The following HKDC1 variants were observed in gnomAD, a reference collection of about 807,000 sequenced individuals.
HKDC1 encodes hexokinase HKDC1.
In HKDC1, 66 loss-of-function variants were observed where a neutral mutation model predicts 96.6. The observed-to-expected ratio is 0.68, with a 90% confidence interval of 0.56 to 0.84. The LOEUF (loss-of-function observed/expected upper bound fraction) is 0.84. HKDC1 is among the 40% of genes least tolerant of loss of function. HKDC1 has a pLI of 0.00. For missense variants in HKDC1, 1,211 were observed against 1,208.1 expected (o/e 1.00, Z -0.04); for synonymous variants, 466 against 473.1 (o/e 0.98, Z 0.20).
At chr10:69,238,368 C>CTTTTTTTTTTTTTTTTT (rs55819248) in intron 4 of HKDC1, among the ~76,000 whole-genome samples, 2 of 61,382 alleles carry the variant, frequency 3.3e-5, no homozygotes, top group African/African-American at 1.7e-4. Context: ...CAGGTATTTT[C>CTTTTTTTTTTTTTTTTT]TTTTTTTTTT....
intron 15 of HKDC1, among the ~76,000 whole-genome samples, chr10:69,260,447 G>A (rs1183900058): frequency 6.6e-6 from 1 of 152,200 alleles, no homozygotes; most frequent in Non-Finnish European, 1.5e-5. Flanking sequence ...GCCACTGAAG[G>A]CTCACATTTT....
intron 1 of HKDC1, among the ~76,000 whole-genome samples, chr10:69,226,515 C>A (rs1017696902): frequency 6.6e-6 from 1 of 151,956 alleles, no homozygotes. Flanking sequence ...ATTAGTCGGG[C>A]CTGGTGGCAC....
At chr10:69,242,807 T>C (rs1039339522) in intron 6 of HKDC1, among the ~76,000 whole-genome samples, 2 of 152,230 alleles carry the variant, frequency 1.3e-5, no homozygotes, top group African/African-American at 4.8e-5. Context: ...GCTAAGTAGC[T>C]TAAGGAAAGA....
intron 12 of HKDC1, among the ~76,000 whole-genome samples, chr10:69,254,305 A>G (rs934093012): frequency 6.8e-6 from 1 of 147,790 alleles, no homozygotes; most frequent in African/African-American, 2.4e-5. Flanking sequence ...CTCAGTCTCA[A>G]AAAGAGAAAA....
rs202105296 is a variant in HKDC1, at chr10:69,243,340, G to A, written c.850G>A (p.Gly284Ser). ...RTEFDRELDL[G>S]SLNPGKQLFE... ...TGAGTTCGACAGGGAGCTGGACCTC[G>A]GCTCTCTCAACCCAGGAAAGCAACT... The change falls in exon 7 of 18, where the codon GGC (glycine) becomes AGC (serine). Residue 284 changes from glycine to serine, a missense_variant. Transcript: ENST00000354624. 141 of 1,599,932 alleles carry A rather than the reference G, an allele frequency of 8.8e-5. 1 individual carries two copies. The Admixed American group carries it at 1.1e-3, about 13-fold the overall frequency.
chr10:69,250,973 T>C (rs1317266530), intron 12 of HKDC1, among the ~76,000 whole-genome samples: 7 of 152,066 alleles, frequency 4.6e-5, no homozygotes, highest in East Asian at 1.9e-4. Context: ...GTTATAACAA[T>C]TGGGCAGTAA....
At chr10:69,263,454 G>A (rs1399425452) in intron 16 of HKDC1, among the ~76,000 whole-genome samples, 1 of 152,130 alleles carries the variant, frequency 6.6e-6, no homozygotes, top group Non-Finnish European at 1.5e-5. Flanking sequence ...TCCACCTAGT[G>A]CCAGTGGGAA....
rs183165468 is a variant in HKDC1 at position 69,247,276 on chromosome 10, C to T, written c.1032-84C>T. ...GACCTGCCTATTAATTTTCACAATCCTGAGAGGTGGAGAAGCTTGTTCCCC... is the reference window on the plus strand; with the variant it reads ...GACCTGCCTATTAATTTTCACAATCTTGAGAGGTGGAGAAGCTTGTTCCCC... On this transcript the variant is annotated intron_variant, in intron 8 of 17. Transcript: ENST00000354624. 2.6e-5 allele frequency: 23 copies of T among 896,136 alleles called. No individual in the cohort carries two copies. In the East Asian group the frequency reaches 5.3e-4, roughly 21 times the overall value. The allele number at this position is 896,136 out of a possible 1,614,324, so 55.5% of individuals were successfully genotyped here.
chr10:69,230,866 T>G (rs1427972210), intron 2 of HKDC1, among the ~76,000 whole-genome samples: 1 of 152,192 alleles, frequency 6.6e-6, no homozygotes, highest in Admixed American at 6.5e-5. Flanking sequence ...TTAATTCTCC[T>G]GCCTGGGCCT....
At chr10:69,265,507 G>A in intron 16 of HKDC1, 78 bp from the exon 17 acceptor site, 2 of 1,223,902 alleles carry the variant, frequency 1.6e-6, no homozygotes, top group Non-Finnish European at 2.4e-6. Flanking sequence ...ATCTAAGAAT[G>A]GGGAGGCTGT....
chr10:69,246,160 G>C lies in HKDC1; in HGVS notation c.957G>C (p.Leu319=), dbSNP rs1326675526. The C allele has an allele frequency of 6.2e-7, 1 of 1,614,132 alleles. No individual in the cohort carries two copies. Among genetic ancestry groups the C allele is most frequent in the African/African-American group, 1.3e-5 (1 of 74,946 alleles). ...TGAAGATGGCCAAGGCTGGCCTCCT[G>C]TTTGGTGGTGAGAAATCTTCTGCTC... ...ILLKMAKAGL[L]FGGEKSSALH... Residue 319 remains leucine (L), a synonymous_variant, in exon 8 of 18, where the codon CTG becomes CTC. Transcript: ENST00000354624.
chr10:69,223,091 G>A (rs1023210640), intron 1 of HKDC1: 5 of 152,174 alleles, frequency 3.3e-5, no homozygotes, highest in African/African-American at 1.2e-4. Context: ...AAACCACTCT[G>A]ACAGATTCTT....
At chr10:69,223,472 A>G (rs1450492210) in intron 1 of HKDC1, among the ~76,000 whole-genome samples, 4 of 152,106 alleles carry the variant, frequency 2.6e-5, no homozygotes, top group Non-Finnish European at 5.9e-5. Flanking sequence ...ATGTCTTCTT[A>G]ATATCCAATC....
intron 2 of HKDC1, among the ~76,000 whole-genome samples, chr10:69,231,612 C>G (rs1843262683): frequency 6.6e-6 from 1 of 152,176 alleles, no homozygotes; most frequent in Admixed American, 6.5e-5. Context: ...CCCTGTGCCT[C>G]TCACAATCTG....
At position 69,246,240 on chromosome 10, in the gene HKDC1, C is replaced by G; in HGVS notation, c.1031+6C>G. 3.7e-6 allele frequency: 6 copies of G among 1,613,248 alleles called. No homozygotes were observed. The highest frequency in any genetic ancestry group is 5.1e-6 in the Non-Finnish European group (6 of 1,179,790). On this transcript the variant is annotated splice_donor_region_variant and intron_variant, in intron 8 of 17. Transcript: ENST00000354624. ...CACGTGGCTGCCATGGAGAAGTAAG[C>G]AAGTCCCTCTGCCTTGGCTCTGTGG...
chr10:69,226,730 C>T (rs1349744967), intron 1 of HKDC1, among the ~76,000 whole-genome samples: 2 of 152,138 alleles, frequency 1.3e-5, no homozygotes, highest in Admixed American at 6.5e-5. Context: ...CTCTGAGCTT[C>T]CTAGCAGCCA....
intron 4 of HKDC1, among the ~76,000 whole-genome samples, chr10:69,237,376 G>C (rs965094127): frequency 1.3e-5 from 2 of 151,496 alleles, no homozygotes; most frequent in African/African-American, 4.9e-5. Context: ...AAGAGAGAGA[G>C]AAGGAATGGA....
chr10:69,247,518 T>A lies in HKDC1; in HGVS notation c.1190T>A (p.Leu397His). 6.2e-7 allele frequency: 1 copy of A among 1,614,080 alleles called. No homozygotes were observed. The highest frequency in any genetic ancestry group is 8.5e-7 in the Non-Finnish European group (1 of 1,180,008). The change falls in exon 9 of 18, where the codon CTC becomes CAC. Residue 397 changes from leucine to histidine, a missense_variant. Leu to His is a moderately conservative substitution (Grantham distance 99). Coordinates refer to ENST00000354624, the MANE Select transcript of HKDC1 (RefSeq NM_025130.4). ...GCTCTGGCGGCCATCCTGACACGCC[T>A]CCGGGAGAACAAGAAGGTGGAACGG... ...AAALAAILTR[L>H]RENKKVERLR...
rs997430285 is a variant in HKDC1 at position 69,232,584 on chromosome 10, C to G, written c.227-180C>G. ...GGCTGACTTAGTTCACATCTCAGCT[C>G]TGCGCCTTACCTCGAGGGCTCTGAG... On this transcript the variant is annotated intron_variant, in intron 2 of 17. Coordinates refer to ENST00000354624, the MANE Select transcript of HKDC1 (RefSeq NM_025130.4). The G allele has an allele frequency of 1.6e-5, 10 of 625,826 alleles. No homozygotes were observed. In the African/African-American group the frequency reaches 1.8e-4, roughly 12 times the overall value. The allele number at this position is 625,826 out of a possible 1,614,324, so 38.8% of individuals were successfully genotyped here.
Sources: gnomAD v4.1 joint callset for allele counts (sites outside exome capture counted in the v4.1 genomes callset) on GRCh38, gnomAD v4.1.1 for gene constraint, MANE v1.5 for transcripts, NCBI Gene and HGNC (gene_info 2026-07-23, HGNC 2026-07-21) for gene names.